ZNF516: variants seen among roughly 807,000 people sequenced by gnomAD.
The protein encoded by ZNF516 is zinc finger protein 516.
Under a neutral mutation model 79.7 loss-of-function variants are expected in ZNF516, and 19 were observed. That is an observed-to-expected ratio of 0.24 (90% confidence interval 0.17 to 0.35). ZNF516 has a LOEUF of 0.35. Among genes scored for constraint, ZNF516 ranks in the 10% least tolerant of loss-of-function variants. The probability of loss-of-function intolerance (pLI) is 1.00; values close to 1 mark genes in which losing one functional copy is unlikely to be tolerated. For missense variants in ZNF516, 1,678 were observed against 1,679.5 expected (o/e 1.00, Z 0.02); for synonymous variants, 877 against 739.5 (o/e 1.19, Z -3.02).
rs756289076 is a variant in ZNF516 at position 76,379,761 on chromosome 18, C to T, written c.2353G>A (p.Val785Ile). Residue 785 changes from valine to isoleucine, a missense_variant, in exon 4 of 7, where the codon GTC becomes ATC. Transcript: ENST00000443185. The stretch of plus-strand genomic sequence containing the variant: ...GGGGGAGCCACGGAGTTGCAGCTGA[C>T]GCGGTGCCAGATGCGTTTGTGCATC... ...LWMHKRIWHR[V>I]SCNSVAPPWI... 29 of 1,613,812 alleles carry T rather than the reference C, an allele frequency of 1.8e-5. No homozygotes were observed. The highest frequency in any genetic ancestry group is 1.5e-4 in the Admixed American group (9 of 59,994).
At chr18:76,466,518 G>T (rs946744915) in intron 1 of ZNF516, among the ~76,000 whole-genome samples, 6 of 152,252 alleles carry the variant, frequency 3.9e-5, no homozygotes, top group African/African-American at 7.2e-5. Flanking sequence ...GGATGGCGGG[G>T]ACACCAAAGA....
intron 3 of ZNF516, among the ~76,000 whole-genome samples, chr18:76,381,943 C>T (rs988972945): frequency 3.9e-5 from 6 of 152,186 alleles, no homozygotes; most frequent in Non-Finnish European, 5.9e-5. Context: ...ACCAGCCTGG[C>T]CAACGTGGTG....
chr18:76,384,572 GC>G (rs1431788320), intron 3 of ZNF516, among the ~76,000 whole-genome samples: 3 of 139,008 alleles, frequency 2.2e-5, no homozygotes, highest in African/African-American at 8.2e-5. Flanking sequence ...CCCCTCCATG[GC>G]CCCCAAACTC....
At chr18:76,425,543 A>AG (rs1262333731) in intron 3 of ZNF516, among the ~76,000 whole-genome samples, 2 of 152,262 alleles carry the variant, frequency 1.3e-5, no homozygotes, top group Admixed American at 6.5e-5. Flanking sequence ...CACAGGCCAC[A>AG]GATCACATGC....
At chr18:76,397,037 G>A (rs1259150908) in intron 3 of ZNF516, among the ~76,000 whole-genome samples, 1 of 152,184 alleles carries the variant, frequency 6.6e-6, no homozygotes, top group Non-Finnish European at 1.5e-5. Context: ...TGCTTCAGAG[G>A]GACACAAGGA....
chr18:76,471,072 C>G (rs1913806758), intron 1 of ZNF516, among the ~76,000 whole-genome samples: 2 of 151,728 alleles, frequency 1.3e-5, no homozygotes, highest in Admixed American at 6.6e-5. Flanking sequence ...TTTCTTTTAC[C>G]TACATCAAAA....
intron 6 of ZNF516, among the ~76,000 whole-genome samples, chr18:76,366,879 A>T (rs986549802): frequency 6.6e-6 from 1 of 152,208 alleles, no homozygotes; most frequent in Admixed American, 6.5e-5. Flanking sequence ...ATGGTAGAGG[A>T]TCAAAGTTAA....
intron 1 of ZNF516, among the ~76,000 whole-genome samples, chr18:76,463,796 A>T (rs1913275064): frequency 6.6e-6 from 1 of 152,232 alleles, no homozygotes; most frequent in Non-Finnish European, 1.5e-5. Flanking sequence ...CTTGAAAGTC[A>T]TTCCAAAGCG....
chr18:76,371,356 G>A, intron 5 of ZNF516, 111 bp downstream of exon 5: 1 of 1,134,986 alleles, frequency 8.8e-7, no homozygotes, highest in Non-Finnish European at 1.2e-6. Context: ...CCCGCCGCCT[G>A]GTAGGGGCTG....
At chr18:76,486,614 G>A (rs1452199412) in intron 1 of ZNF516, among the ~76,000 whole-genome samples, 1 of 151,260 alleles carries the variant, frequency 6.6e-6, no homozygotes, top group Non-Finnish European at 1.5e-5. Flanking sequence ...CAGGACAGCT[G>A]TATCCTGGAG....
At chr18:76,410,733 GAA>G (rs36070420) in intron 3 of ZNF516, among the ~76,000 whole-genome samples, 1 of 152,206 alleles carries the variant, frequency 6.6e-6, no homozygotes, top group African/African-American at 2.4e-5. Context: ...GGCTGGAGGA[GAA>G]AAAGAGAAAT....
chr18:76,474,052 A>G (rs1914037423), intron 1 of ZNF516, among the ~76,000 whole-genome samples: 1 of 152,084 alleles, frequency 6.6e-6, no homozygotes. Context: ...CTGTAGTTAT[A>G]TTACACTTTT....
intron 2 of ZNF516, among the ~76,000 whole-genome samples, chr18:76,450,184 A>AGCG (rs74182655): frequency 9.7e-6 from 1 of 103,262 alleles, no homozygotes; most frequent in Non-Finnish European, 1.9e-5. Flanking sequence ...ATGAAACTAA[A>AGCG]GGGGGGGGGG....
intron 6 of ZNF516, among the ~76,000 whole-genome samples, chr18:76,369,415 AAAAACAAAAAC>A (rs1164975626): frequency 1.4e-5 from 2 of 147,210 alleles, no homozygotes; most frequent in African/African-American, 5.4e-5. Context: ...ACAAGGCAAA[AAAAACAAAAAC>A]AAAAACAAAA....
Position 76,379,992 on chromosome 18 carries a change from C to G in ZNF516, c.2122G>C (p.Glu708Gln), listed in dbSNP as rs974468391. Residue 708 changes from glutamate to glutamine, a missense_variant, in exon 4 of 7, where the codon GAA (glutamate) becomes CAA (glutamine). Transcript: ENST00000443185. ...TTGTTGTGCAAATCGGACAGCTTTT[C>G]TGCAGGGTGACCCGTCTGGCCCTCC... Reference protein sequence around the residue: ...GAEGQTGHPAEKLSDLHNKEH... With the variant: ...GAEGQTGHPAQKLSDLHNKEH... The G allele has an allele frequency of 2.5e-6, 4 of 1,613,992 alleles. No homozygotes were observed. The highest frequency in any genetic ancestry group is 3.3e-4 in the Middle Eastern group (2 of 6,062).
chr18:76,407,213 T>A (rs1191274718), intron 3 of ZNF516, among the ~76,000 whole-genome samples: 1 of 152,050 alleles, frequency 6.6e-6, no homozygotes, highest in African/African-American at 2.4e-5. Context: ...GAGGATCACT[T>A]GAGTGCAAGA....
At chr18:76,494,118 G>A (rs1915378742) in intron 1 of ZNF516, among the ~76,000 whole-genome samples, 1 of 152,160 alleles carries the variant, frequency 6.6e-6, no homozygotes, top group Non-Finnish European at 1.5e-5. Flanking sequence ...AATTGCGGGG[G>A]TCCACTGGCT....
At chr18:76,383,186 G>A (rs895267940) in intron 3 of ZNF516, among the ~76,000 whole-genome samples, 1 of 152,182 alleles carries the variant, frequency 6.6e-6, no homozygotes, top group Non-Finnish European at 1.5e-5. Context: ...GCATGACCAC[G>A]AGTGGAGGGG....
At chr18:76,363,646 G>A (rs1182273612) in intron 6 of ZNF516, among the ~76,000 whole-genome samples, 1 of 152,172 alleles carries the variant, frequency 6.6e-6, no homozygotes, top group Non-Finnish European at 1.5e-5. Flanking sequence ...TAAGTAGATG[G>A]TGAATTTCCT....
Sources: gnomAD v4.1 joint callset for allele counts (sites outside exome capture counted in the v4.1 genomes callset) on GRCh38, gnomAD v4.1.1 for gene constraint, MANE v1.5 for transcripts, NCBI Gene and HGNC (gene_info 2026-07-23, HGNC 2026-07-21) for gene names.